The following MACROD2 variants were observed in gnomAD, a reference collection of about 807,000 sequenced individuals.
MACROD2 encodes mono-ADP ribosylhydrolase 2.
MACROD2 carries 36 observed loss-of-function variants against 70.4 expected under a neutral mutation model. The observed-to-expected ratio is 0.51, with a 90% CI of 0.39 to 0.68. The LOEUF is 0.68. Ranked by LOEUF, MACROD2 falls within the 30% of genes least tolerant of loss-of-function variation. MACROD2 has a pLI of 0.00. For missense variants in MACROD2, 496 were observed against 538.4 expected (o/e 0.92, Z 0.78); for synonymous variants, 172 against 178.8 (o/e 0.96, Z 0.30).
At chr20:14,141,068 G>A (rs986400637) in intron 3 of MACROD2, among the ~76,000 whole-genome samples, 2 of 152,106 alleles carry the variant, frequency 1.3e-5, no homozygotes, top group Non-Finnish European at 1.5e-5. Context: ...TGTTGTGTTG[G>A]GTAGGGCAGA....
At chr20:14,154,279 T>G (rs1267026821) in intron 3 of MACROD2, among the ~76,000 whole-genome samples, 1 of 152,150 alleles carries the variant, frequency 6.6e-6, no homozygotes, top group Non-Finnish European at 1.5e-5. Context: ...TGCTGAATGA[T>G]AATTTTTTAT....
intron 5 of MACROD2, among the ~76,000 whole-genome samples, chr20:15,051,277 C>T (rs1297956336): frequency 1.3e-5 from 2 of 151,538 alleles, no homozygotes; most frequent in African/African-American, 2.4e-5. Flanking sequence ...TGGCTAGTTT[C>T]CCCCAACTTT....
intron 13 of MACROD2, among the ~76,000 whole-genome samples, chr20:15,982,696 T>C (rs144991900): frequency 1.3e-5 from 2 of 152,318 alleles, no homozygotes; most frequent in East Asian, 3.9e-4. Context: ...GGTTAGGGTG[T>C]TGCAAACTTC....
rs2075173985 is a variant in MACROD2 at position 15,021,214 on chromosome 20, ACATACAGGTGTGCG to A, written c.419-208725_419-208712del. Among the ~76,000 whole-genome samples the A allele has an allele frequency of 6.4e-5, 6 of 93,770 alleles. 1 individual carries two copies. The highest frequency in any genetic ancestry group is 9.6e-5 in the Admixed American group (1 of 10,388). 61.5% of individuals were successfully genotyped at this position (93,770 alleles called of 152,430 possible). On this transcript the variant is annotated intron_variant, in intron 5 of 17. Coordinates refer to ENST00000684519, the MANE Select transcript of MACROD2 (RefSeq NM_001351661.2). The stretch of plus-strand genomic sequence containing the variant: ...TACACACACCTGTGTGTATGTATAC[ACATACAGGTGTGCG>A]TATACACACACCTGTGTGTATGTAT...
chr20:15,584,499 T>C (rs1269540662), intron 8 of MACROD2, among the ~76,000 whole-genome samples: 1 of 152,028 alleles, frequency 6.6e-6, no homozygotes, highest in Non-Finnish European at 1.5e-5. Flanking sequence ...CAGTTGACAA[T>C]GAAACTGAAA....
intron 6 of MACROD2, among the ~76,000 whole-genome samples, chr20:15,406,754 A>G (rs2430677): frequency 0.73 from 111,584 of 152,060 alleles, 41,191 homozygotes; most frequent in African/African-American, 0.78. Flanking sequence ...AACAAAGCTT[A>G]TGTTTATTTT....
intron 3 of MACROD2, among the ~76,000 whole-genome samples, chr20:14,272,267 G>A (rs1230200637): frequency 6.6e-6 from 1 of 152,090 alleles, no homozygotes; most frequent in African/African-American, 2.4e-5. Context: ...ACCCACAAAG[G>A]GAAGCCCATC....
intron 5 of MACROD2, among the ~76,000 whole-genome samples, chr20:14,745,491 T>C (rs1198724906): frequency 6.6e-6 from 1 of 152,164 alleles, no homozygotes; most frequent in Non-Finnish European, 1.5e-5. Flanking sequence ...TTCTAACATG[T>C]TCAGAGATGG....
At chr20:15,893,902 A>G (rs1478145564) in intron 10 of MACROD2, 4 of 456,658 alleles carry the variant, frequency 8.8e-6, no homozygotes. Flanking sequence ...AGGAGAGAAG[A>G]AAAGAAGGAG....
intron 2 of MACROD2, among the ~76,000 whole-genome samples, chr20:14,005,610 T>G (rs970043015): frequency 2.0e-5 from 3 of 152,082 alleles, no homozygotes; most frequent in Non-Finnish European, 2.9e-5. Context: ...AACTTTTTTT[T>G]TTTTTTGAGA....
chr20:15,703,362 A>C (rs1288345074), intron 8 of MACROD2, among the ~76,000 whole-genome samples: 1 of 152,158 alleles, frequency 6.6e-6, no homozygotes, highest in African/African-American at 2.4e-5. Flanking sequence ...TACCATGTTG[A>C]CACAGCCTCT....
In MACROD2 at chr20:15,875,080, G is replaced by A. The variant is rs530490339; in HGVS notation, c.728-10684G>A. On this transcript the variant is annotated intron_variant, in intron 9 of 17. Coordinates refer to ENST00000684519, the MANE Select transcript of MACROD2 (RefSeq NM_001351661.2). ...ATGGGCATCTCTAGAAGCTGGAAAA[G>A]CGAGGAAACAGATTCTTTCCTGGAG... is the stretch of plus-strand genomic sequence containing the variant. Among the ~76,000 whole-genome samples the A allele has an allele frequency of 2.6e-5, 4 of 152,270 alleles. No individual in the cohort carries two copies. The South Asian group carries it at 6.2e-4, about 24-fold the overall frequency.
chr20:15,421,154 G>A (rs1451004335), intron 6 of MACROD2, among the ~76,000 whole-genome samples: 1 of 152,112 alleles, frequency 6.6e-6, no homozygotes, highest in Non-Finnish European at 1.5e-5. Flanking sequence ...GAGACAGGCG[G>A]ATTGCTTGAA....
chr20:14,178,594 G>A (rs945562002), intron 3 of MACROD2, among the ~76,000 whole-genome samples: 5 of 152,152 alleles, frequency 3.3e-5, no homozygotes, highest in African/African-American at 1.2e-4. Flanking sequence ...GAAATGGGTT[G>A]GAATAAAGGA....
At chr20:14,832,478 T>C (rs552043198) in intron 5 of MACROD2, among the ~76,000 whole-genome samples, 1 of 151,980 alleles carries the variant, frequency 6.6e-6, no homozygotes, top group African/African-American at 2.4e-5. Flanking sequence ...CATCTTCTGT[T>C]CTGATGCAAC....
At chr20:15,488,312 CT>C in intron 7 of MACROD2, among the ~76,000 whole-genome samples, 1 of 152,206 alleles carries the variant, frequency 6.6e-6, no homozygotes, top group Middle Eastern at 3.4e-3. Context: ...GCTAGGCAGC[CT>C]CCTAGGACAC....
At chr20:14,100,299 A>G (rs535167451) in intron 3 of MACROD2, among the ~76,000 whole-genome samples, 1 of 152,002 alleles carries the variant, frequency 6.6e-6, no homozygotes, top group Admixed American at 6.6e-5. Context: ...TTTGTTGAAC[A>G]TAGATATTTT....
chr20:15,810,025 C>G (rs552917649), intron 8 of MACROD2, among the ~76,000 whole-genome samples: 2 of 136,734 alleles, frequency 1.5e-5, no homozygotes, highest in Non-Finnish European at 3.1e-5. Flanking sequence ...TCCCCCCACC[C>G]CACAACAGTG....
intron 5 of MACROD2, among the ~76,000 whole-genome samples, chr20:15,042,765 T>C (rs1203067192): frequency 6.6e-6 from 1 of 152,138 alleles, no homozygotes; most frequent in Non-Finnish European, 1.5e-5. Flanking sequence ...TCTACTTACA[T>C]CCCTTTAATG....
Sources: allele counts gnomAD v4.1 joint callset (sites outside exome capture counted in the v4.1 genomes callset), GRCh38; gene constraint gnomAD v4.1.1; transcripts MANE v1.5; gene names NCBI Gene and HGNC (gene_info 2026-07-23, HGNC 2026-07-21).